The following TENM3 variants were observed in gnomAD, a reference collection of about 807,000 sequenced individuals.
The protein encoded by TENM3 is teneurin-3.
In TENM3, 63 loss-of-function variants were observed where a neutral mutation model predicts 255.1. The ratio of observed to expected loss-of-function variants is 0.25; its 90% CI spans 0.20 to 0.30. The LOEUF is 0.30. Among genes scored for constraint, TENM3 ranks in the 10% least tolerant of loss-of-function variants. The pLI, the probability that TENM3 is intolerant of heterozygous loss-of-function variation, is 1.00. For synonymous variants in TENM3, 1,306 were observed against 1,322.3 expected, an observed-to-expected ratio of 0.99 and a Z score of 0.27; for missense variants, 2,929 against 3,461.1, an observed-to-expected ratio of 0.85 and a Z score of 3.86.
chr4:181,663,784 C>T, the TENM3 span, among the ~76,000 whole-genome samples: 1 of 152,150 alleles, frequency 6.6e-6, no homozygotes, highest in Non-Finnish European at 1.5e-5. Flanking sequence ...TTACTTCTTC[C>T]TGAGTTAGTG....
chr4:182,115,510 C>A, the TENM3 span, among the ~76,000 whole-genome samples: 291 of 152,224 alleles, frequency 1.9e-3, no homozygotes, highest in African/African-American at 6.4e-3. Flanking sequence ...TTGCCTTGAT[C>A]TTGTACTCAA....
chr4:182,569,941 G>A (rs1319604203), intron 3 of TENM3, among the ~76,000 whole-genome samples: 1 of 152,180 alleles, frequency 6.6e-6, no homozygotes, highest in Non-Finnish European at 1.5e-5. Flanking sequence ...GAATGTGCAG[G>A]TAGGATATAT....
chr4:181,897,593 C>T, the TENM3 span, among the ~76,000 whole-genome samples: 2 of 152,270 alleles, frequency 1.3e-5, no homozygotes, highest in Non-Finnish European at 2.9e-5. Context: ...AGATTCATAG[C>T]GTTGATCAAA....
intron 3 of TENM3, among the ~76,000 whole-genome samples, chr4:182,448,330 C>A (rs971533686): frequency 6.6e-6 from 1 of 152,198 alleles, no homozygotes; most frequent in African/African-American, 2.4e-5. Context: ...CCCACCCCTT[C>A]GCTGCGGACG....
chr4:181,771,473 A>G, the TENM3 span, among the ~76,000 whole-genome samples: 3 of 152,344 alleles, frequency 2.0e-5, no homozygotes, highest in Admixed American at 1.3e-4. Context: ...GGTACACAAG[A>G]GGCCTCCAAG....
intron 12 of TENM3, among the ~76,000 whole-genome samples, chr4:182,709,045 C>T (rs191132447): frequency 6.6e-6 from 1 of 151,914 alleles, no homozygotes; most frequent in Non-Finnish European, 1.5e-5. Context: ...TGCAGTAGTG[C>T]AATCTCACCT....
At chr4:182,196,938 C>T (rs1753866583) in intron 1 of TENM3, among the ~76,000 whole-genome samples, 1 of 152,122 alleles carries the variant, frequency 6.6e-6, no homozygotes, top group Admixed American at 6.6e-5. Context: ...CATTTCCGGT[C>T]ATCTTCTCGG....
At chr4:182,035,965 C>G in the TENM3 span, among the ~76,000 whole-genome samples, 1 of 152,276 alleles carries the variant, frequency 6.6e-6, no homozygotes, top group Non-Finnish European at 1.5e-5. Flanking sequence ...CTCAAACTCA[C>G]CATTCTCCCT....
the TENM3 span, among the ~76,000 whole-genome samples, chr4:181,679,391 T>C: frequency 0.78 from 117,771 of 151,742 alleles, 46,067 homozygotes; most frequent in Admixed American, 0.87. Flanking sequence ...TAAGTTTTTT[T>C]CCTTATCATT....
intron 7 of TENM3, among the ~76,000 whole-genome samples, chr4:182,677,704 T>C (rs1160915016): frequency 6.6e-6 from 1 of 152,192 alleles, no homozygotes; most frequent in Non-Finnish European, 1.5e-5. Context: ...GGTTATACTG[T>C]TTTTATATAT....
intron 5 of TENM3, among the ~76,000 whole-genome samples, chr4:182,641,096 T>G (rs11930698): frequency 0.083 from 12,566 of 152,270 alleles, 569 homozygotes; most frequent in East Asian, 0.14. Flanking sequence ...TCATCTTAGT[T>G]GACTGAGTGA....
chr4:181,860,227 T>C, the TENM3 span, among the ~76,000 whole-genome samples: 1 of 152,236 alleles, frequency 6.6e-6, no homozygotes, highest in Non-Finnish European at 1.5e-5. Flanking sequence ...TTAACTACAA[T>C]GCATTGTTTA....
intron 1 of TENM3, among the ~76,000 whole-genome samples, chr4:182,262,774 C>A (rs1199016145): frequency 6.9e-6 from 1 of 145,478 alleles, no homozygotes; most frequent in Non-Finnish European, 1.5e-5. Flanking sequence ...AATGCAGTGG[C>A]CTGATCTCAG....
At chr4:182,349,442 A>G (rs776381033) in intron 3 of TENM3, among the ~76,000 whole-genome samples, 2 of 152,330 alleles carry the variant, frequency 1.3e-5, no homozygotes, top group Non-Finnish European at 1.5e-5. Context: ...GTAATTAATT[A>G]CATTAAGATA....
At chr4:182,618,990 A>C (rs983014135) in intron 4 of TENM3, among the ~76,000 whole-genome samples, 2 of 152,174 alleles carry the variant, frequency 1.3e-5, no homozygotes, top group Non-Finnish European at 2.9e-5. Flanking sequence ...AATTACCCAA[A>C]GTCTGGCAGT....
the TENM3 span, among the ~76,000 whole-genome samples, chr4:181,604,888 C>T: frequency 6.6e-6 from 1 of 152,164 alleles, no homozygotes; most frequent in Non-Finnish European, 1.5e-5. Flanking sequence ...CCTTGCTGCA[C>T]CTCACTCTCC....
At chr4:182,193,415 C>T (rs1030619138) in intron 1 of TENM3, among the ~76,000 whole-genome samples, 1 of 152,126 alleles carries the variant, frequency 6.6e-6, no homozygotes, top group Admixed American at 6.5e-5. Context: ...TACAAGACTG[C>T]GAGCCTCTCT....
chr4:182,703,954 C>T (rs1185058122), intron 12 of TENM3, among the ~76,000 whole-genome samples: 2 of 152,190 alleles, frequency 1.3e-5, no homozygotes, highest in African/African-American at 4.8e-5. Context: ...ACTGTAATCA[C>T]TGTTATAACC....
the TENM3 span, among the ~76,000 whole-genome samples, chr4:181,607,693 G>A: frequency 6.6e-6 from 1 of 152,078 alleles, no homozygotes; most frequent in African/African-American, 2.4e-5. Context: ...GTGAGTCACC[G>A]TGCCTGGCCA....
Sources: allele counts gnomAD v4.1 joint callset (sites outside exome capture counted in the v4.1 genomes callset), GRCh38; gene constraint gnomAD v4.1.1; transcripts MANE v1.5; gene names NCBI Gene and HGNC (gene_info 2026-07-23, HGNC 2026-07-21).